PSG7: variants seen among roughly 807,000 people sequenced by gnomAD.
PSG7 encodes the protein pregnancy-specific beta-1-glycoprotein 7.
Under a neutral mutation model 45.6 loss-of-function variants are expected in PSG7, and 57 were observed. The ratio of observed to expected loss-of-function variants is 1.25; its 90% CI spans 1.01 to 1.56. The LOEUF (loss-of-function observed/expected upper bound fraction) is 1.56, where lower values mean the gene tolerates loss of function less well. PSG7 is among the 40% of genes most tolerant of loss of function. The probability of loss-of-function intolerance (pLI) is 0.00; values close to 1 mark genes in which losing one functional copy is unlikely to be tolerated. For synonymous variants in PSG7, 298 were observed against 194.4 expected, an observed-to-expected ratio of 1.53 and a Z score of -4.43; for missense variants, 796 against 508.4, an observed-to-expected ratio of 1.57 and a Z score of -5.44.
rs1349014238 is a variant in PSG7 at position 42,925,782 on chromosome 19, T to C, written c.1234A>G (p.Arg412Gly). ...GCTGGGATCCACTTACCAGAGACTC[T>C]GACTGTCACGGATTTGGAGCTTTCC... Reference protein sequence around the residue: ...GKESSKSVTVRVSDWTLP With the variant: ...GKESSKSVTVGVSDWTLP Residue 412 changes from arginine to glycine, a missense_variant, in exon 5 of 6, where the codon AGA becomes GGA. By Grantham distance (125) the Arg-to-Gly change is moderately radical. Coordinates refer to ENST00000406070, the MANE Select transcript of PSG7 (RefSeq NM_002783.3). 2 of 1,611,938 alleles carry C rather than the reference T, an allele frequency of 1.2e-6. No individual in the cohort carries two copies. The highest frequency in any genetic ancestry group is 2.7e-5 in the African/African-American group (2 of 74,656).
In PSG7 at chr19:42,926,921, T is replaced by C. The variant is rs1228521625; in HGVS notation, c.710-205A>G. 6.8e-6 allele frequency: 7 copies of C among 1,036,328 alleles called. 1 individual carries two copies. The highest frequency in any genetic ancestry group is 2.6e-5 in the East Asian group (1 of 38,782). 64.2% of individuals were successfully genotyped at this position (1,036,328 alleles called of 1,614,324 possible). ...CCACCTGCTCAGTCTTAGGGAAGCA[T>C]AGACTTTCTCAAGTGTCAATTGAGC... On this transcript the variant is annotated intron_variant, in intron 3 of 5. Coordinates refer to ENST00000406070, the MANE Select transcript of PSG7 (RefSeq NM_002783.3).
chr19:42,933,964 T>G (rs1432793968), intron 2 of PSG7, among the ~76,000 whole-genome samples: 1 of 151,484 alleles, frequency 6.6e-6, no homozygotes, highest in African/African-American at 2.4e-5. Flanking sequence ...ACTCCTGGGA[T>G]TCTGCATCCA....
intron 2 of PSG7, among the ~76,000 whole-genome samples, chr19:42,932,489 G>A (rs1383431279): frequency 6.6e-6 from 1 of 151,530 alleles, no homozygotes; most frequent in Admixed American, 6.6e-5. Flanking sequence ...ATGGAGTCAC[G>A]AGTGAAATGG....
At chr19:42,925,109 C>T in intron 5 of PSG7, 1 of 473,026 alleles carries the variant, frequency 2.1e-6, no homozygotes, top group South Asian at 3.2e-5. Flanking sequence ...TAAACCTTTA[C>T]AAAACTCTTG....
rs781827752 is a variant in PSG7 at position 42,935,573 on chromosome 19, T to C, written c.261A>G (p.Gln87=). ...TGTATGCAGGCCCATATTTAATTATTTGACCGTCTACTATATATGATGTAA... is the reference window on the plus strand; with the variant it reads ...TGTATGCAGGCCCATATTTAATTATCTGACCGTCTACTATATATGATGTAA... ...HYVTSYIVDG[Q]IIKYGPAYSG... The change falls in exon 2 of 6, where the codon CAA becomes CAG. Residue 87 remains glutamine, a synonymous_variant. Transcript: ENST00000406070. 3.7e-6 allele frequency: 6 copies of C among 1,612,060 alleles called. No individual in the cohort carries two copies. The highest frequency in any genetic ancestry group is 5.1e-6 in the Non-Finnish European group (6 of 1,179,086).
intron 4 of PSG7, 40 bp downstream of exon 4, chr19:42,926,398 C>G: frequency 1.2e-6 from 2 of 1,606,858 alleles, no homozygotes; most frequent in African/African-American, 2.7e-5. Flanking sequence ...AGCTGGTGTC[C>G]TGGCCCACAG....
At chr19:42,936,788 C>T (rs1342274777) in intron 1 of PSG7, among the ~76,000 whole-genome samples, 7 of 151,468 alleles carry the variant, frequency 4.6e-5, no homozygotes, top group Admixed American at 2.0e-4. Context: ...GCTAGGATTA[C>T]AGGAGCACAC....
intron 3 of PSG7, 131 bp downstream of exon 3, chr19:42,929,311 G>T (rs771947344): frequency 4.4e-6 from 7 of 1,575,934 alleles, no homozygotes; most frequent in Non-Finnish European, 6.0e-6. Flanking sequence ...GGGGCAGGAA[G>T]TCACCACCAG....
chr19:42,926,679 T>C lies in PSG7; in HGVS notation c.747A>G (p.Leu249=). 6.2e-7 allele frequency: 1 copy of C among 1,610,404 alleles called. No homozygotes were observed. The highest frequency in any genetic ancestry group is 8.5e-7 in the Non-Finnish European group (1 of 1,179,026). Residue 249 remains leucine (L), a synonymous_variant, in exon 4 of 6, where the codon TTA becomes TTG. Coordinates refer to ENST00000406070, the MANE Select transcript of PSG7 (RefSeq NM_002783.3). ...LPKPYITINN[L]NPRENKDVST... ...AGACATCCTTATTCTCCCTGGGGTT[T>C]AAGTTATTGATGGTGATGTAGGGCT...
chr19:42,925,675 A>G, intron 5 of PSG7, 98 bp downstream of exon 5: 2 of 1,595,498 alleles, frequency 1.3e-6, no homozygotes, highest in Non-Finnish European at 1.7e-6. Context: ...TGCCCATGGG[A>G]CACAGGCTGG....
intron 2 of PSG7, among the ~76,000 whole-genome samples, chr19:42,930,942 G>A (rs1015009738): frequency 5.3e-5 from 8 of 151,532 alleles, no homozygotes; most frequent in African/African-American, 1.9e-4. Context: ...TGGAATATTT[G>A]CAGTACATGT....
chr19:42,932,783 G>C (rs1490077325), intron 2 of PSG7, among the ~76,000 whole-genome samples: 1 of 151,450 alleles, frequency 6.6e-6, no homozygotes, highest in Non-Finnish European at 1.5e-5. Context: ...ACTAGTGAAA[G>C]ACCATGAGAT....
intron 2 of PSG7, among the ~76,000 whole-genome samples, chr19:42,935,046 A>T (rs1209445049): frequency 6.6e-6 from 1 of 151,462 alleles, no homozygotes; most frequent in Non-Finnish European, 1.5e-5. Context: ...AGCTTCTCTG[A>T]GGGTCTCAGG....
intron 5 of PSG7, chr19:42,925,210 G>A (rs1173537931): frequency 6.4e-6 from 2 of 313,448 alleles, no homozygotes; most frequent in South Asian, 9.4e-5. Flanking sequence ...TAACATCCCA[G>A]TCAAAGCCTT....
intron 3 of PSG7, among the ~76,000 whole-genome samples, chr19:42,928,775 G>A (rs148879924): frequency 0.011 from 1,703 of 151,514 alleles, 42 homozygotes; most frequent in Middle Eastern, 0.027. Context: ...CAATGCTCCA[G>A]GGATCCACTT....
intron 2 of PSG7, among the ~76,000 whole-genome samples, chr19:42,933,307 A>ATTTT (rs397965905): frequency 0.023 from 316 of 13,486 alleles, 59 homozygotes; most frequent in Non-Finnish European, 0.042. Flanking sequence ...ATATATATAT[A>ATTTT]TTTTTTTTTT....
rs1973131313 is a variant in PSG7, at chr19:42,935,590, A to G, written c.244T>C (p.Tyr82His). 2 of 1,612,080 alleles carry G rather than the reference A, an allele frequency of 1.2e-6. No individual in the cohort carries two copies. The highest frequency in any genetic ancestry group is 1.7e-6 in the Non-Finnish European group (2 of 1,179,066). ...IRDLYHYVTS[Y>H]IVDGQIIKYG... ...TTAATTATTTGACCGTCTACTATAT[A>G]TGATGTAACATAATGGTAGAGGTCC... is the stretch of plus-strand genomic sequence containing the variant. Residue 82 changes from tyrosine (Y) to histidine (H), a missense_variant, in exon 2 of 6, where the codon TAT (tyrosine) becomes CAT (histidine). Transcript: ENST00000406070.
In PSG7 at chr19:42,935,605, G is replaced by A. The variant is rs1259426179; in HGVS notation, c.229C>T (p.His77Tyr). The part of the protein sequence containing the change: ...WYKGQIRDLY[H>Y]YVTSYIVDGQ... ...TCTACTATATATGATGTAACATAATGGTAGAGGTCCCTGATTTGTCCTTTG... is the reference window on the plus strand; with the variant it reads ...TCTACTATATATGATGTAACATAATAGTAGAGGTCCCTGATTTGTCCTTTG... The change falls in exon 2 of 6, where the codon CAT becomes TAT. Residue 77 changes from histidine to tyrosine, a missense_variant. Transcript: ENST00000406070. 2 of 1,611,994 alleles carry A rather than the reference G, an allele frequency of 1.2e-6. No homozygotes were observed. The highest frequency in any genetic ancestry group is 1.7e-5 in the Admixed American group (1 of 59,802).
At position 42,926,694 on chromosome 19, in the gene PSG7, G is replaced by A. The variant is rs751894838; in HGVS notation, c.732C>T (p.Ile244=). 2.5e-6 allele frequency: 4 copies of A among 1,610,342 alleles called. No individual in the cohort carries two copies. The highest frequency in any genetic ancestry group is 3.3e-5 in the Admixed American group (2 of 59,864). ...CCCTGGGGTTTAAGTTATTGATGGT[G>A]ATGTAGGGCTTGGGCAGCTTCGCTG... ...NLLPKLPKPY[I]TINNLNPREN... is the part of the protein sequence containing the mutation. Residue 244 remains isoleucine (I), a synonymous_variant, in exon 4 of 6, where the codon ATC becomes ATT. Coordinates refer to ENST00000406070, the MANE Select transcript of PSG7 (RefSeq NM_002783.3).
Sources: gnomAD v4.1 joint callset for allele counts (sites outside exome capture counted in the v4.1 genomes callset) on GRCh38, gnomAD v4.1.1 for gene constraint, MANE v1.5 for transcripts, NCBI Gene and HGNC (gene_info 2026-07-23, HGNC 2026-07-21) for gene names.